The following UGT8 variants were observed in gnomAD, a reference collection of about 807,000 sequenced individuals.
UGT8 encodes 2-hydroxyacylsphingosine 1-beta-galactosyltransferase.
A neutral mutation model predicts 40.5 loss-of-function variants in UGT8; 12 were observed. That is an observed-to-expected ratio of 0.30 (90% CI 0.19 to 0.48). UGT8 has a LOEUF of 0.48. UGT8 is among the 20% of genes least tolerant of loss of function. UGT8 has a pLI of 0.99. For synonymous variants in UGT8, 224 were observed against 240.4 expected (o/e 0.93, Z 0.63); for missense variants, 513 against 648.7 (o/e 0.79, Z 2.27).
At chr4:114,609,917 C>G (rs1405977764) in intron 1 of UGT8, among the ~76,000 whole-genome samples, 1 of 152,094 alleles carries the variant, frequency 6.6e-6, no homozygotes, top group Non-Finnish European at 1.5e-5. Flanking sequence ...TTCAGTCATT[C>G]ATTTAATAAG....
At chr4:114,636,395 A>G (rs947863904) in intron 2 of UGT8, among the ~76,000 whole-genome samples, 1 of 152,246 alleles carries the variant, frequency 6.6e-6, no homozygotes, top group Non-Finnish European at 1.5e-5. Flanking sequence ...CATGCTAAGA[A>G]TTGCTAATTA....
At chr4:114,665,651 A>G in intron 3 of UGT8, 29 bp from the exon 4 acceptor site, 5 of 1,567,708 alleles carry the variant, frequency 3.2e-6, no homozygotes, top group South Asian at 2.4e-5. Flanking sequence ...TTGATTTTTA[A>G]AAGACTAATT....
intron 2 of UGT8, among the ~76,000 whole-genome samples, chr4:114,634,147 A>G (rs554461030): frequency 2.0e-5 from 3 of 152,294 alleles, no homozygotes; most frequent in African/African-American, 7.2e-5. Flanking sequence ...GCGGTTCTAA[A>G]AAACCCAGTT....
chr4:114,661,123 T>A (rs751833478), intron 2 of UGT8, among the ~76,000 whole-genome samples: 23 of 152,190 alleles, frequency 1.5e-4, no homozygotes, highest in Non-Finnish European at 3.1e-4. Context: ...CTGTTAGGTT[T>A]ATTTGTAGGT....
intron 2 of UGT8, chr4:114,656,987 A>T (rs531313212): frequency 3.1e-6 from 1 of 321,136 alleles, no homozygotes; most frequent in Non-Finnish European, 5.9e-6. Context: ...ATCATTTATC[A>T]AATAGTGACC....
intron 4 of UGT8, 99 bp downstream of exon 4, chr4:114,665,855 C>T (rs766124695): frequency 3.1e-5 from 28 of 907,204 alleles, no homozygotes; most frequent in East Asian, 1.1e-4. Flanking sequence ...ATACGGTATA[C>T]GGTATGTATG....
upstream of UGT8, chr4:114,598,757 G>C (rs1730248155): frequency 6.6e-6 from 1 of 152,148 alleles, no homozygotes; most frequent in Non-Finnish European, 1.5e-5. Context: ...CAGGCGCGCT[G>C]AGGACCCGAG....
intron 2 of UGT8, among the ~76,000 whole-genome samples, chr4:114,655,028 C>A (rs1734092898): frequency 6.6e-6 from 1 of 151,708 alleles, no homozygotes. Flanking sequence ...ACAAAATAGA[C>A]CACTTACCAA....
intron 1 of UGT8, chr4:114,622,625 C>T: frequency 6.1e-6 from 2 of 330,022 alleles, no homozygotes; most frequent in East Asian, 6.6e-5. Context: ...TTAATGATTG[C>T]CATTCTAACT....
At chr4:114,629,355 T>C (rs1458136393) in intron 2 of UGT8, among the ~76,000 whole-genome samples, 3 of 152,200 alleles carry the variant, frequency 2.0e-5, no homozygotes, top group Non-Finnish European at 4.4e-5. Flanking sequence ...GTTTGTTGGA[T>C]GGCTCTCTTA....
intron 2 of UGT8, among the ~76,000 whole-genome samples, chr4:114,648,063 C>T (rs1260537218): frequency 6.6e-6 from 1 of 152,134 alleles, no homozygotes; most frequent in East Asian, 1.9e-4. Context: ...CCACTTAATT[C>T]AGCCTGCCTT....
At chr4:114,675,475 T>A (rs1374251894) in intron 5 of UGT8, among the ~76,000 whole-genome samples, 1 of 152,086 alleles carries the variant, frequency 6.6e-6, no homozygotes, top group Non-Finnish European at 1.5e-5. Context: ...GCGCGGTGGC[T>A]CACGCCTGTA....
At chr4:114,647,353 C>CTT (rs1553934669) in intron 2 of UGT8, among the ~76,000 whole-genome samples, 1 of 90,628 alleles carries the variant, frequency 1.1e-5, no homozygotes, top group East Asian at 3.7e-4. Flanking sequence ...TGAATTAGCT[C>CTT]TTTTGTGTGT....
chr4:114,625,366 C>T (rs1202950519), intron 2 of UGT8, among the ~76,000 whole-genome samples: 2 of 151,830 alleles, frequency 1.3e-5, no homozygotes, highest in Non-Finnish European at 2.9e-5. Flanking sequence ...TAAAAATTAG[C>T]TGGGTATGGT....
At chr4:114,624,022 G>A (rs778577506) in intron 2 of UGT8, among the ~76,000 whole-genome samples, 1 of 152,170 alleles carries the variant, frequency 6.6e-6, no homozygotes, top group Non-Finnish European at 1.5e-5. Context: ...ATTTTAATGA[G>A]TATAAGTGAT....
At chr4:114,638,734 T>C (rs1034158499) in intron 2 of UGT8, among the ~76,000 whole-genome samples, 3 of 152,204 alleles carry the variant, frequency 2.0e-5, no homozygotes, top group Non-Finnish European at 4.4e-5. Context: ...GTTTAATTCC[T>C]CCCACTGGCT....
intron 1 of UGT8, among the ~76,000 whole-genome samples, chr4:114,615,283 G>A (rs753524478): frequency 1.3e-5 from 2 of 152,056 alleles, no homozygotes; most frequent in Non-Finnish European, 2.9e-5. Context: ...TATGAAATGA[G>A]ATAATGTTTA....
At chr4:114,616,680 T>C (rs1731459583) in intron 1 of UGT8, among the ~76,000 whole-genome samples, 1 of 152,170 alleles carries the variant, frequency 6.6e-6, no homozygotes, top group Admixed American at 6.5e-5. Flanking sequence ...ATCACCCGTC[T>C]TCTGCGTCAC....
intron 2 of UGT8, among the ~76,000 whole-genome samples, chr4:114,652,548 G>C (rs1733948204): frequency 6.6e-6 from 1 of 151,972 alleles, no homozygotes; most frequent in African/African-American, 2.4e-5. Context: ...AAATTGGTGA[G>C]AAAGTACATT....
Sources: gnomAD v4.1 joint callset for allele counts (sites outside exome capture counted in the v4.1 genomes callset) on GRCh38, gnomAD v4.1.1 for gene constraint, MANE v1.5 for transcripts, NCBI Gene and HGNC (gene_info 2026-07-23, HGNC 2026-07-21) for gene names.